Variants in MTRES1 observed in about 807,000 individuals in gnomAD.
The protein encoded by MTRES1 is uncharacterized protein C6orf203.
A neutral mutation model predicts 17.4 loss-of-function variants in MTRES1; 11 were observed. The observed-to-expected ratio is 0.63, with a 90% CI of 0.40 to 1.05. MTRES1 has a LOEUF of 1.05. MTRES1 is among the 50% of genes least tolerant of loss of function. MTRES1 has a pLI of 0.00. For missense variants in MTRES1, 268 were observed against 276.2 expected, an observed-to-expected ratio of 0.97 and a Z score of 0.21; for synonymous variants, 94 against 99.6, an observed-to-expected ratio of 0.94 and a Z score of 0.34.
intron 1 of MTRES1, among the ~76,000 whole-genome samples, chr6:107,036,623 C>G (rs1334467793): frequency 6.6e-6 from 1 of 152,060 alleles, no homozygotes; most frequent in Non-Finnish European, 1.5e-5. Context: ...GCAGGCAGAT[C>G]ACGAGGTCAG....
chr6:107,038,329 T>C (rs1272377580), intron 1 of MTRES1, among the ~76,000 whole-genome samples: 2 of 152,138 alleles, frequency 1.3e-5, no homozygotes, highest in Non-Finnish European at 1.5e-5. Context: ...TGGAAACCCT[T>C]CCCTCATTAC....
rs529422494 is a variant in MTRES1 at position 107,028,931 on chromosome 6, T to A, written c.-13+660T>A. 30 of 961,240 alleles carry A rather than the reference T, an allele frequency of 3.1e-5. No homozygotes were observed. The South Asian group carries it at 1.3e-3, about 40-fold the overall frequency. 59.5% of individuals were successfully genotyped at this position (961,240 alleles called of 1,614,324 possible). On this transcript the variant is annotated intron_variant, in intron 1 of 3. Coordinates refer to ENST00000311381, the MANE Select transcript of MTRES1 (RefSeq NM_016487.5). ...TAAAATGAACTTCCATCAGGTCACT[T>A]CCCAGGGTCCATCATTGCGTGTTCT...
At chr6:107,045,438 C>T (rs1400551262) in intron 3 of MTRES1, among the ~76,000 whole-genome samples, 3 of 150,278 alleles carry the variant, frequency 2.0e-5, no homozygotes, top group African/African-American at 4.9e-5. Context: ...GAGCCGAGAT[C>T]GTGCCACTGC....
At chr6:107,044,473 G>A in intron 3 of MTRES1, 141 bp downstream of exon 3, 1 of 668,528 alleles carries the variant, frequency 1.5e-6, no homozygotes, top group East Asian at 2.6e-5. Context: ...CAAGCTGGTG[G>A]GAATCAGCTA....
chr6:107,030,875 AC>A (rs1773812678), intron 1 of MTRES1, among the ~76,000 whole-genome samples: 1 of 152,166 alleles, frequency 6.6e-6, no homozygotes, highest in South Asian at 2.1e-4. Context: ...GCACAGATGT[AC>A]GAGTCTGGAA....
At chr6:107,049,448 C>G (rs1469969364) in intron 3 of MTRES1, among the ~76,000 whole-genome samples, 2 of 128,898 alleles carry the variant, frequency 1.6e-5, no homozygotes, top group African/African-American at 5.9e-5. Context: ...GAGTCTCGCT[C>G]TGTCGCCCAG....
intron 1 of MTRES1, among the ~76,000 whole-genome samples, chr6:107,031,038 A>G (rs1453720476): frequency 2.0e-5 from 3 of 152,144 alleles, no homozygotes; most frequent in Non-Finnish European, 2.9e-5. Context: ...AAGTGAATGT[A>G]GAAGAGAAGA....
At chr6:107,048,679 C>G (rs1774478894) in intron 3 of MTRES1, among the ~76,000 whole-genome samples, 1 of 149,866 alleles carries the variant, frequency 6.7e-6, no homozygotes, top group African/African-American at 2.5e-5. Context: ...ACTTGGGAGG[C>G]TGAGGCAGGA....
At chr6:107,033,704 GC>G (rs1773917860) in intron 1 of MTRES1, among the ~76,000 whole-genome samples, 1 of 152,078 alleles carries the variant, frequency 6.6e-6, no homozygotes, top group African/African-American at 2.4e-5. Flanking sequence ...TGTACTCCCA[GC>G]TACTTGGGAG....
chr6:107,044,197 G>A, intron 2 of MTRES1, 63 bp from the exon 3 acceptor site: 3 of 1,149,348 alleles, frequency 2.6e-6, no homozygotes, highest in Non-Finnish European at 4.0e-6. Context: ...TAGTGATGAA[G>A]TCTGGGCTTG....
intron 3 of MTRES1, among the ~76,000 whole-genome samples, chr6:107,045,732 C>T (rs569077383): frequency 6.6e-6 from 1 of 152,030 alleles, no homozygotes; most frequent in South Asian, 2.1e-4. Context: ...TGACAGAGAC[C>T]CTTAAAAAGT....
intron 2 of MTRES1, among the ~76,000 whole-genome samples, chr6:107,043,913 G>A (rs894554214): frequency 5.3e-5 from 8 of 152,218 alleles, no homozygotes; most frequent in Non-Finnish European, 1.2e-4. Context: ...CGGATCACGA[G>A]GTCAGGAGTT....
chr6:107,044,900 A>G (rs1246131511), intron 3 of MTRES1, among the ~76,000 whole-genome samples: 1 of 152,194 alleles, frequency 6.6e-6, no homozygotes, highest in African/African-American at 2.4e-5. Context: ...TAAATCATAT[A>G]TAAAAATTCT....
At chr6:107,050,909 A>T (rs1774581154) in intron 3 of MTRES1, 148 bp from the exon 4 acceptor site, 1 of 661,800 alleles carries the variant, frequency 1.5e-6, no homozygotes, top group African/African-American at 1.8e-5. Flanking sequence ...AGGCACTGGG[A>T]TAGGTGACAG....
chr6:107,037,833 C>T (rs1338545173), intron 1 of MTRES1, among the ~76,000 whole-genome samples: 1 of 152,130 alleles, frequency 6.6e-6, no homozygotes, highest in Non-Finnish European at 1.5e-5. Flanking sequence ...ATTTTCCTGC[C>T]TTAGCCTCCT....
rs782299804 is a variant in MTRES1 at position 107,040,067 on chromosome 6, G to A, written c.307G>A (p.Glu103Lys). The A allele has an allele frequency of 6.2e-7, 1 of 1,613,728 alleles. No homozygotes were observed. Among genetic ancestry groups the A allele is most frequent in the Middle Eastern group, 1.6e-4 (1 of 6,062 alleles). Residue 103 changes from glutamate to lysine, a missense_variant, in exon 2 of 4, where the codon GAA (glutamate) becomes AAA (lysine). Glu to Lys is a moderately conservative substitution (Grantham distance 56). Coordinates refer to ENST00000311381, the MANE Select transcript of MTRES1 (RefSeq NM_016487.5). ...STKKSLQKVD[E>K]EDSDEESHHD... ...TAAAAAGTCTCTGCAAAAAGTAGATGAAGAGGACTCTGATGAAGAAAGCCA... is the reference window on the plus strand; with the variant it reads ...TAAAAAGTCTCTGCAAAAAGTAGATAAAGAGGACTCTGATGAAGAAAGCCA...
At position 107,040,137 on chromosome 6, in the gene MTRES1, C is replaced by A. The variant is rs782411024; in HGVS notation, c.377C>A (p.Pro126His). Residue 126 changes from proline to histidine, a missense_variant, in exon 2 of 4, where the codon CCT becomes CAT. Transcript: ENST00000311381. ...CAGGAAGAGGAGCTTGAGGATGATC[C>A]TACTGTAGTCAAAAACTATAAAGAC... ...SEQEEELEDDPTVVKNYKDLE... is the reference protein window; with the variant it reads ...SEQEEELEDDHTVVKNYKDLE... The A allele has an allele frequency of 6.2e-7, 1 of 1,613,582 alleles. No individual in the cohort carries two copies. Among genetic ancestry groups the A allele is most frequent in the Non-Finnish European group, 8.5e-7 (1 of 1,179,968 alleles).
intron 1 of MTRES1, among the ~76,000 whole-genome samples, chr6:107,035,274 C>T (rs1230768063): frequency 6.6e-6 from 1 of 151,942 alleles, no homozygotes; most frequent in Admixed American, 6.6e-5. Context: ...GCTGGGATTA[C>T]AGGCACGCAC....
At chr6:107,039,073 T>G (rs1299084403) in intron 1 of MTRES1, among the ~76,000 whole-genome samples, 1 of 151,856 alleles carries the variant, frequency 6.6e-6, no homozygotes, top group Non-Finnish European at 1.5e-5. Context: ...TAATAATAAA[T>G]AAAAAAACAA....
Sources: gnomAD v4.1 joint callset for allele counts (sites outside exome capture counted in the v4.1 genomes callset) on GRCh38, gnomAD v4.1.1 for gene constraint, MANE v1.5 for transcripts, NCBI Gene and HGNC (gene_info 2026-07-23, HGNC 2026-07-21) for gene names.